The following DNAH9 variants were observed in gnomAD, a reference collection of about 807,000 sequenced individuals.
DNAH9 encodes DNAH9 variant protein.
Under a neutral mutation model 471.6 loss-of-function variants are expected in DNAH9, and 345 were observed. That is an observed-to-expected ratio of 0.73 (90% CI 0.67 to 0.80). The LOEUF (loss-of-function observed/expected upper bound fraction) is 0.80, where lower values mean the gene tolerates loss of function less well. DNAH9 is among the 30% of genes least tolerant of loss of function. The pLI is 0.00. For missense variants in DNAH9, 5,407 were observed against 5,609.2 expected (o/e 0.96, Z 1.15); for synonymous variants, 2,093 against 2,123.6 (o/e 0.99, Z 0.40).
intron 31 of DNAH9, among the ~76,000 whole-genome samples, chr17:11,745,662 C>A (rs1461677871): frequency 6.6e-6 from 1 of 152,122 alleles, no homozygotes; most frequent in Non-Finnish European, 1.5e-5. Context: ...TTATAATTAG[C>A]GTCTTTGAAG....
chr17:11,939,775 A>G (rs1974837082), intron 66 of DNAH9, among the ~76,000 whole-genome samples: 1 of 151,900 alleles, frequency 6.6e-6, no homozygotes, highest in Non-Finnish European at 1.5e-5. Flanking sequence ...GCTAAAGAGA[A>G]GGAGTGAGAA....
intron 68 of DNAH9, among the ~76,000 whole-genome samples, chr17:11,964,989 A>G (rs1976575571): frequency 6.6e-6 from 1 of 152,236 alleles, no homozygotes. Context: ...AGACAATCAA[A>G]GACAACTGCT....
At chr17:11,720,601 A>G (rs1316935705) in intron 27 of DNAH9, among the ~76,000 whole-genome samples, 5 of 152,256 alleles carry the variant, frequency 3.3e-5, no homozygotes, top group Non-Finnish European at 7.3e-5. Context: ...GTCATGTGCT[A>G]TATTGACTGT....
At chr17:11,896,298 A>G (rs960738515) in intron 59 of DNAH9, among the ~76,000 whole-genome samples, 1 of 151,736 alleles carries the variant, frequency 6.6e-6, no homozygotes, top group African/African-American at 2.4e-5. Flanking sequence ...TCACTCCATA[A>G]CAATTATGAG....
chr17:11,627,793 T>G (rs1426649656), intron 6 of DNAH9, among the ~76,000 whole-genome samples: 1 of 152,102 alleles, frequency 6.6e-6, no homozygotes, highest in African/African-American at 2.4e-5. Flanking sequence ...AAAAACAGGC[T>G]TGTTAGATGG....
At chr17:11,916,940 A>G (rs529098595) in intron 61 of DNAH9, among the ~76,000 whole-genome samples, 1 of 152,296 alleles carries the variant, frequency 6.6e-6, no homozygotes, top group South Asian at 2.1e-4. Flanking sequence ...CCAATTAATA[A>G]TTAATAATTC....
At chr17:11,935,427 G>C (rs185703998) in intron 65 of DNAH9, among the ~76,000 whole-genome samples, 142 of 148,820 alleles carry the variant, frequency 9.5e-4, no homozygotes, top group Non-Finnish European at 1.9e-3. Context: ...CCAGGCTGGA[G>C]TGGAATAGCG....
intron 38 of DNAH9, 134 bp from the exon 39 acceptor site, chr17:11,780,869 GTTATTA>G: frequency 1.2e-6 from 1 of 840,116 alleles, no homozygotes; most frequent in Non-Finnish European, 1.8e-6. Context: ...AGCAGTAGCT[GTTATTA>G]TTGTTGTCTT....
At chr17:11,629,201 A>G (rs1464545164) in intron 6 of DNAH9, among the ~76,000 whole-genome samples, 1 of 151,694 alleles carries the variant, frequency 6.6e-6, no homozygotes, top group Non-Finnish European at 1.5e-5. Context: ...GCACCCATTA[A>G]CTTGTCATTT....
At chr17:11,641,038 T>A (rs2073261530) in intron 10 of DNAH9, among the ~76,000 whole-genome samples, 2 of 152,114 alleles carry the variant, frequency 1.3e-5, no homozygotes, top group African/African-American at 4.8e-5. Context: ...CTGATACCTC[T>A]TTCTAAAAGA....
At chr17:11,901,044 G>C (rs2151011837) in intron 59 of DNAH9, among the ~76,000 whole-genome samples, 2 of 152,302 alleles carry the variant, frequency 1.3e-5, no homozygotes, top group Non-Finnish European at 2.9e-5. Context: ...TGGTTTTCTA[G>C]GAAGAGCAAA....
At chr17:11,901,740 A>G (rs1395807642) in intron 59 of DNAH9, among the ~76,000 whole-genome samples, 1 of 152,174 alleles carries the variant, frequency 6.6e-6, no homozygotes, top group African/African-American at 2.4e-5. Flanking sequence ...ATGATAGTTG[A>G]TGAGCTAAAA....
chr17:11,756,209 A>G (rs1332302200), intron 33 of DNAH9, among the ~76,000 whole-genome samples: 3 of 151,694 alleles, frequency 2.0e-5, no homozygotes, highest in African/African-American at 7.3e-5. Context: ...CCCTGGAGGC[A>G]GAGCTTGCAG....
chr17:11,888,275 A>C (rs151269242), intron 57 of DNAH9, among the ~76,000 whole-genome samples: 1 of 151,934 alleles, frequency 6.6e-6, no homozygotes, highest in East Asian at 1.9e-4. Context: ...GAGCCACTGC[A>C]CCCGGTCCCA....
At chr17:11,716,488 C>A (rs1252161502) in intron 26 of DNAH9, among the ~76,000 whole-genome samples, 5 of 152,052 alleles carry the variant, frequency 3.3e-5, no homozygotes, top group African/African-American at 1.2e-4. Context: ...CCCAGTCTCC[C>A]CATATGTAAA....
At chr17:11,929,838 T>G (rs1974445853) in intron 62 of DNAH9, 28 bp from the exon 63 acceptor site, 1 of 1,592,766 alleles carries the variant, frequency 6.3e-7, no homozygotes, top group South Asian at 1.1e-5. Flanking sequence ...ATGCCTGTAT[T>G]GAGGGGGGGC....
At chr17:11,691,719 A>G (rs2074334833) in intron 20 of DNAH9, among the ~76,000 whole-genome samples, 1 of 152,210 alleles carries the variant, frequency 6.6e-6, no homozygotes, top group Non-Finnish European at 1.5e-5. Context: ...TACTTCTGCA[A>G]CCTTGATACT....
At chr17:11,662,426 A>G (rs2073785318) in intron 14 of DNAH9, among the ~76,000 whole-genome samples, 1 of 152,028 alleles carries the variant, frequency 6.6e-6, no homozygotes, top group Non-Finnish European at 1.5e-5. Context: ...CTCTTTTTTA[A>G]TGAGACAGAA....
intron 59 of DNAH9, among the ~76,000 whole-genome samples, chr17:11,901,073 G>A (rs910573255): frequency 1.1e-4 from 17 of 152,328 alleles, no homozygotes; most frequent in Admixed American, 7.8e-4. Flanking sequence ...CAAGCAGGCT[G>A]CAAATGGCTT....
Sources: gnomAD v4.1 joint callset for allele counts (sites outside exome capture counted in the v4.1 genomes callset) on GRCh38, gnomAD v4.1.1 for gene constraint, MANE v1.5 for transcripts, NCBI Gene and HGNC (gene_info 2026-07-23, HGNC 2026-07-21) for gene names.